Variants in FHIT observed in about 807,000 individuals in gnomAD.
The protein encoded by FHIT is fragile histidine triad diadenosine triphosphatase, also known as bis(5'-adenosyl)-triphosphatase.
Under a neutral mutation model 17.9 loss-of-function variants are expected in FHIT, and 19 were observed. The ratio of observed to expected loss-of-function variants is 1.06; its 90% CI spans 0.74 to 1.56. FHIT has a LOEUF of 1.56. FHIT is among the 40% of genes most tolerant of loss of function. The pLI, the probability that FHIT is intolerant of heterozygous loss-of-function variation, is 0.00. For synonymous variants in FHIT, 81 were observed against 69.7 expected (o/e 1.16, Z -0.81); for missense variants, 248 against 189.2 (o/e 1.31, Z -1.82).
intron 4 of FHIT, among the ~76,000 whole-genome samples, chr3:60,674,566 A>T (rs1381844276): frequency 6.6e-6 from 1 of 152,162 alleles, no homozygotes; most frequent in African/African-American, 2.4e-5. Flanking sequence ...TTTCTAAAAT[A>T]TTCTCTTGAA....
intron 5 of FHIT, among the ~76,000 whole-genome samples, chr3:60,103,757 G>C (rs550624390): frequency 6.6e-6 from 1 of 152,148 alleles, no homozygotes; most frequent in Non-Finnish European, 1.5e-5. Flanking sequence ...TTTTCAGCTC[G>C]AAATAATCAA....
intron 6 of FHIT, among the ~76,000 whole-genome samples, chr3:60,012,480 G>A (rs1700181762): frequency 6.6e-6 from 1 of 151,856 alleles, no homozygotes; most frequent in Non-Finnish European, 1.5e-5. Flanking sequence ...TGTTGCCCAA[G>A]CTGATCTCAA....
chr3:60,401,620 T>C (rs945240868), intron 5 of FHIT, among the ~76,000 whole-genome samples: 3 of 152,092 alleles, frequency 2.0e-5, no homozygotes, highest in African/African-American at 7.2e-5. Context: ...CCCCGGTGCT[T>C]CCCCACCCCA....
intron 4 of FHIT, among the ~76,000 whole-genome samples, chr3:60,734,876 A>G (rs1287822669): frequency 2.0e-5 from 3 of 152,202 alleles, no homozygotes; most frequent in Admixed American, 2.0e-4. Flanking sequence ...CAAACTGTAA[A>G]TGACTTTGCA....
intron 5 of FHIT, among the ~76,000 whole-genome samples, chr3:60,187,641 GAAC>G (rs1202059218): frequency 6.6e-6 from 1 of 152,216 alleles, no homozygotes; most frequent in African/African-American, 2.4e-5. Context: ...CAGAAAAACT[GAAC>G]AACAAGCAGC....
intron 5 of FHIT, among the ~76,000 whole-genome samples, chr3:60,525,501 T>G (rs1025122337): frequency 6.6e-6 from 1 of 152,128 alleles, no homozygotes; most frequent in African/African-American, 2.4e-5. Context: ...AATCTCAACT[T>G]AGTGGGAGAA....
chr3:60,518,856 A>G (rs957044106), intron 5 of FHIT, among the ~76,000 whole-genome samples: 107 of 152,262 alleles, frequency 7.0e-4, no homozygotes, highest in African/African-American at 2.5e-3. Flanking sequence ...TAAAAATACA[A>G]AAATTAGCTG....
chr3:59,771,724 G>A (rs1031337200), intron 8 of FHIT, among the ~76,000 whole-genome samples: 4 of 152,134 alleles, frequency 2.6e-5, no homozygotes, highest in Admixed American at 6.5e-5. Context: ...TGTGGGGAAC[G>A]TGCACAAGCT....
chr3:60,075,526 G>A (rs1003163707), intron 5 of FHIT, among the ~76,000 whole-genome samples: 49 of 152,060 alleles, frequency 3.2e-4, no homozygotes, highest in African/African-American at 1.2e-3. Context: ...TCAAAGCAAT[G>A]GTCAAATGAG....
At chr3:60,723,712 C>T (rs1553708667) in intron 4 of FHIT, among the ~76,000 whole-genome samples, 1 of 152,196 alleles carries the variant, frequency 6.6e-6, no homozygotes, top group East Asian at 1.9e-4. Context: ...TTCACTGTAG[C>T]AAATCAGAAC....
chr3:60,658,284 C>T lies in FHIT; in HGVS notation c.-17-121305G>A, dbSNP rs140719396. ...GTCAGAATTTACTTCCTTTTTAAGG[C>T]CAACTGATAAGGAGGGACTTCCTTC... On this transcript the variant is annotated intron_variant, in intron 4 of 9. Transcript: ENST00000492590. 1.1e-4 allele frequency among the ~76,000 whole-genome samples: 16 copies of T among 152,244 alleles called. No homozygotes were observed. In the East Asian group the frequency reaches 3.1e-3, roughly 29 times the overall value.
At chr3:60,521,454 A>T (rs533544734) in intron 5 of FHIT, among the ~76,000 whole-genome samples, 1 of 152,128 alleles carries the variant, frequency 6.6e-6, no homozygotes, top group Non-Finnish European at 1.5e-5. Context: ...TCACCGTGTT[A>T]GCCAGGATGG....
intron 5 of FHIT, among the ~76,000 whole-genome samples, chr3:60,106,573 G>C (rs555749375): frequency 6.6e-6 from 1 of 152,148 alleles, no homozygotes; most frequent in Non-Finnish European, 1.5e-5. Context: ...CACCCACTGG[G>C]GGTCTTTGAT....
intron 5 of FHIT, among the ~76,000 whole-genome samples, chr3:60,077,729 C>CACATATAT (rs1559611496): frequency 5.5e-4 from 37 of 67,246 alleles, no homozygotes; most frequent in African/African-American, 1.8e-3. Flanking sequence ...CACACACACA[C>CACATATAT]ATATATAGAG....
chr3:60,591,554 C>A (rs1321952938), intron 4 of FHIT, among the ~76,000 whole-genome samples: 2 of 152,004 alleles, frequency 1.3e-5, no homozygotes, highest in African/African-American at 4.8e-5. Context: ...CACATAATAA[C>A]CAGCATATGA....
At chr3:59,859,209 G>A (rs1211470633) in intron 8 of FHIT, among the ~76,000 whole-genome samples, 2 of 152,204 alleles carry the variant, frequency 1.3e-5, no homozygotes, top group Non-Finnish European at 2.9e-5. Flanking sequence ...AGGTGATCAA[G>A]TGGGGATACG....
intron 3 of FHIT, among the ~76,000 whole-genome samples, chr3:60,919,657 G>C (rs1267108375): frequency 6.6e-6 from 1 of 152,082 alleles, no homozygotes; most frequent in East Asian, 1.9e-4. Context: ...ATACAAACAA[G>C]GCTATTTTCA....
intron 5 of FHIT, among the ~76,000 whole-genome samples, chr3:60,336,569 G>T (rs1452259435): frequency 6.6e-6 from 1 of 152,208 alleles, no homozygotes; most frequent in Non-Finnish European, 1.5e-5. Flanking sequence ...AATCTAAATA[G>T]ATCTGTGCTA....
chr3:60,122,237 T>A (rs5007870), intron 5 of FHIT, among the ~76,000 whole-genome samples: 1 of 152,168 alleles, frequency 6.6e-6, no homozygotes, highest in Non-Finnish European at 1.5e-5. Context: ...TATATTAGTA[T>A]AATGTTTGTC....
Sources: gnomAD v4.1 joint callset for allele counts (sites outside exome capture counted in the v4.1 genomes callset) on GRCh38, gnomAD v4.1.1 for gene constraint, MANE v1.5 for transcripts, NCBI Gene and HGNC (gene_info 2026-07-23, HGNC 2026-07-21) for gene names.